CNTNAP3B: variants seen among roughly 807,000 people sequenced by gnomAD.
The protein encoded by CNTNAP3B is contactin associated protein family member 3B.
In CNTNAP3B, 25 loss-of-function variants were observed where a neutral mutation model predicts 108.9. The observed-to-expected ratio is 0.23, with a 90% CI of 0.17 to 0.32. CNTNAP3B has a LOEUF of 0.32. Among genes scored for constraint, CNTNAP3B ranks in the 10% least tolerant of loss-of-function variants. CNTNAP3B has a pLI of 1.00. For synonymous variants in CNTNAP3B, 103 were observed against 473.4 expected (o/e 0.22, Z 10.16); for missense variants, 252 against 1,210.4 (o/e 0.21, Z 11.75).
chr9:42,124,831 G>A (rs1184766465), intron 1 of CNTNAP3B, among the ~76,000 whole-genome samples: 1 of 134,872 alleles, frequency 7.4e-6, no homozygotes, highest in Non-Finnish European at 1.6e-5. Flanking sequence ...ATTTGATTTA[G>A]AGACATATAT....
intron 3 of CNTNAP3B, among the ~76,000 whole-genome samples, chr9:42,045,807 G>T (rs1826861591): frequency 7.4e-6 from 1 of 135,698 alleles, no homozygotes; most frequent in South Asian, 2.5e-4. Context: ...ATAGCAATCT[G>T]CATCTTTAAT....
intron 2 of CNTNAP3B, among the ~76,000 whole-genome samples, chr9:42,081,325 T>C (rs1236225427): frequency 6.7e-6 from 1 of 148,928 alleles, no homozygotes; most frequent in Non-Finnish European, 1.5e-5. Flanking sequence ...CCCTAAATGT[T>C]CACACAACAT....
chr9:41,943,284 A>G (rs1403443314), intron 13 of CNTNAP3B, among the ~76,000 whole-genome samples: 1 of 152,286 alleles, frequency 6.6e-6, no homozygotes, highest in African/African-American at 2.4e-5. Flanking sequence ...AAAATTTTCC[A>G]TTAAACACAA....
At chr9:42,056,463 T>G (rs1290024918) in intron 3 of CNTNAP3B, among the ~76,000 whole-genome samples, 1 of 136,872 alleles carries the variant, frequency 7.3e-6, no homozygotes, top group Non-Finnish European at 1.6e-5. Context: ...GCATTCTCCT[T>G]CCTCAGCCTC....
chr9:41,915,325 TG>T (rs1182119906), intron 18 of CNTNAP3B, among the ~76,000 whole-genome samples: 20 of 44,032 alleles, frequency 4.5e-4, no homozygotes, highest in Middle Eastern at 0.013. Context: ...ACCAAATTTT[TG>T]GTGTTAATTT....
chr9:41,977,664 C>T (rs1476791403), intron 9 of CNTNAP3B, among the ~76,000 whole-genome samples: 1 of 130,566 alleles, frequency 7.7e-6, no homozygotes, highest in Non-Finnish European at 1.6e-5. Context: ...GTCACCCAGG[C>T]TGGAGTGCAG....
chr9:42,124,073 C>T (rs1587291123), intron 1 of CNTNAP3B, among the ~76,000 whole-genome samples: 1 of 137,766 alleles, frequency 7.3e-6, no homozygotes, highest in East Asian at 2.2e-4. Flanking sequence ...TAATTTAATT[C>T]TTAGCAATAA....
At chr9:41,934,367 C>A (rs1418162723) in intron 14 of CNTNAP3B, among the ~76,000 whole-genome samples, 19 of 152,316 alleles carry the variant, frequency 1.2e-4, no homozygotes, top group African/African-American at 4.3e-4. Flanking sequence ...TACAGGCGCC[C>A]ACCACCATGC....
intron 12 of CNTNAP3B, among the ~76,000 whole-genome samples, chr9:41,957,772 T>G (rs1471479439): frequency 1.3e-5 from 2 of 152,078 alleles, no homozygotes; most frequent in African/African-American, 4.8e-5. Flanking sequence ...TGTTTTTTGG[T>G]TTTTTTGAGA....
At chr9:41,934,140 TACACACAC>T (rs1313208567) in intron 14 of CNTNAP3B, among the ~76,000 whole-genome samples, 1 of 113,368 alleles carries the variant, frequency 8.8e-6, no homozygotes, top group African/African-American at 3.2e-5. Flanking sequence ...CATATATATA[TACACACAC>T]ATATATATAC....
intron 1 of CNTNAP3B, among the ~76,000 whole-genome samples, chr9:42,108,129 A>G (rs1328006029): frequency 7.2e-6 from 1 of 138,886 alleles, no homozygotes; most frequent in Non-Finnish European, 1.5e-5. Flanking sequence ...ACTGAGTCAG[A>G]GGGGAAAACA....
chr9:41,917,436 G>A (rs1487956460), intron 18 of CNTNAP3B, among the ~76,000 whole-genome samples: 2 of 141,174 alleles, frequency 1.4e-5, no homozygotes, highest in East Asian at 4.0e-4. Context: ...TTCACTTGGG[G>A]AGGGCTACCA....
intron 9 of CNTNAP3B, among the ~76,000 whole-genome samples, chr9:41,977,686 C>T (rs2118291505): frequency 7.6e-6 from 1 of 130,826 alleles, no homozygotes; most frequent in African/African-American, 3.1e-5. Context: ...GGCGCAGTCT[C>T]AGCTCACTGT....
At chr9:41,917,178 G>C (rs1234242015) in intron 18 of CNTNAP3B, among the ~76,000 whole-genome samples, 1 of 152,234 alleles carries the variant, frequency 6.6e-6, no homozygotes, top group African/African-American at 2.4e-5. Flanking sequence ...GGTGTGCTTA[G>C]TTATGTCTGA....
At chr9:41,969,283 GA>G (rs1429370934) in intron 10 of CNTNAP3B, among the ~76,000 whole-genome samples, 1 of 150,434 alleles carries the variant, frequency 6.6e-6, no homozygotes, top group Admixed American at 6.6e-5. Flanking sequence ...ATACTTATTT[GA>G]ATTAAATGTT....
chr9:42,096,424 A>G (rs1827901825), intron 2 of CNTNAP3B, among the ~76,000 whole-genome samples: 1 of 139,714 alleles, frequency 7.2e-6, no homozygotes, highest in African/African-American at 2.8e-5. Flanking sequence ...AGACCAAAAG[A>G]TGCTTTTGGA....
chr9:41,990,439 T>A (rs1289163193), intron 8 of CNTNAP3B, among the ~76,000 whole-genome samples: 3 of 132,202 alleles, frequency 2.3e-5, no homozygotes, highest in Non-Finnish European at 4.8e-5. Flanking sequence ...ACACAGATTC[T>A]AACACCCAGG....
At chr9:41,915,756 C>A (rs1201478075) in intron 18 of CNTNAP3B, among the ~76,000 whole-genome samples, 1 of 145,576 alleles carries the variant, frequency 6.9e-6, no homozygotes, top group Non-Finnish European at 1.5e-5. Flanking sequence ...TTTTTTTTCC[C>A]CTCTCATTCT....
intron 2 of CNTNAP3B, among the ~76,000 whole-genome samples, chr9:42,103,370 A>T (rs1377284696): frequency 6.9e-6 from 1 of 145,318 alleles, no homozygotes; most frequent in Non-Finnish European, 1.5e-5. Flanking sequence ...TGTGCAATGC[A>T]TTAAATGTGC....
Sources: allele counts gnomAD v4.1 joint callset (sites outside exome capture counted in the v4.1 genomes callset), GRCh38; gene constraint gnomAD v4.1.1; transcripts MANE v1.5; gene names NCBI Gene and HGNC (gene_info 2026-07-23, HGNC 2026-07-21).